KHDRBS1: variants seen among roughly 807,000 people sequenced by gnomAD.
KHDRBS1 encodes KH RNA binding domain containing, signal transduction associated 1.
KHDRBS1 carries 7 observed loss-of-function variants against 48.4 expected under a neutral mutation model. The ratio of observed to expected loss-of-function variants is 0.14; its 90% CI spans 0.08 to 0.27. KHDRBS1 has a LOEUF of 0.27. Ranked by LOEUF, KHDRBS1 falls within the 10% of genes least tolerant of loss-of-function variation. KHDRBS1 has a pLI of 1.00. For missense variants in KHDRBS1, 458 were observed against 601.2 expected (o/e 0.76, Z 2.49); for synonymous variants, 241 against 235.8 (o/e 1.02, Z -0.20).
Position 32,039,542 on chromosome 1 carries a change from TG to T in KHDRBS1, c.1207del (p.Glu403ArgfsTer21). On this transcript the variant is annotated frameshift_variant, in exon 8 of 9. Coordinates refer to ENST00000327300, the MANE Select transcript of KHDRBS1 (RefSeq NM_006559.3). LOFTEE classifies it high-confidence loss of function. ...ACTCAGAATATTATGACTATGGACA[TG>T]GGGAGGTTCAAGATTCTTATGAAGC... ...GDSEYYDYGH[G>X]EVQDSYEAYG... 1 of 1,535,182 alleles carries T rather than the reference TG, an allele frequency of 6.5e-7. No individual in the cohort carries two copies.
At chr1:32,047,447 C>T (rs1639370331), downstream of KHDRBS1, among the ~76,000 whole-genome samples, 2 of 152,220 alleles carry the variant, frequency 1.3e-5, no homozygotes, top group South Asian at 4.1e-4. Flanking sequence ...GCGTGAGCCA[C>T]TGTACCCGGC....
chr1:32,022,775 A>T (rs1273873773), intron 1 of KHDRBS1, among the ~76,000 whole-genome samples: 2 of 152,068 alleles, frequency 1.3e-5, no homozygotes, highest in Non-Finnish European at 2.9e-5. Flanking sequence ...TATAGTCACC[A>T]GCTACTCGGG....
chr1:32,036,742 CAA>C (rs1639190930), intron 4 of KHDRBS1, among the ~76,000 whole-genome samples, 166 bp from the exon 5 acceptor site: 1 of 152,050 alleles, frequency 6.6e-6, no homozygotes, highest in Non-Finnish European at 1.5e-5. Context: ...AGACTTTTCT[CAA>C]AGAGGTGACA....
At chr1:32,030,909 A>G (rs1639069116) in intron 2 of KHDRBS1, among the ~76,000 whole-genome samples, 1 of 151,284 alleles carries the variant, frequency 6.6e-6, no homozygotes, top group Admixed American at 6.6e-5. Flanking sequence ...AGGGTGCTAT[A>G]TAGTCTCTTC....
At chr1:32,027,904 G>A (rs1639006398) in intron 1 of KHDRBS1, among the ~76,000 whole-genome samples, 2 of 152,154 alleles carry the variant, frequency 1.3e-5, no homozygotes, top group African/African-American at 4.8e-5. Flanking sequence ...TCTGAAGTCA[G>A]GAGTTCGAGA....
chr1:32,047,957 G>A (rs141059141), downstream of KHDRBS1, among the ~76,000 whole-genome samples: 391 of 152,148 alleles, frequency 2.6e-3, 3 homozygotes, highest in South Asian at 0.015. Context: ...TATGCTTTTT[G>A]GAATTGGCTT....
intron 7 of KHDRBS1, among the ~76,000 whole-genome samples, chr1:32,039,097 C>A (rs1392615915): frequency 6.6e-6 from 1 of 152,156 alleles, no homozygotes; most frequent in African/African-American, 2.4e-5. Flanking sequence ...AACTTAGGTT[C>A]TTTTCTGCAT....
At chr1:32,028,561 G>A (rs1639020323) in intron 1 of KHDRBS1, among the ~76,000 whole-genome samples, 1 of 142,264 alleles carries the variant, frequency 7.0e-6, no homozygotes, top group South Asian at 2.2e-4. Context: ...GGAGTGCAGT[G>A]GCGCGATCTC....
intron 2 of KHDRBS1, among the ~76,000 whole-genome samples, chr1:32,030,844 T>G (rs559947577): frequency 1.5e-4 from 23 of 151,578 alleles, no homozygotes; most frequent in Admixed American, 7.2e-4. Context: ...TTTCTTCCTT[T>G]TTTTTTTTTT....
intron 1 of KHDRBS1, among the ~76,000 whole-genome samples, 193 bp downstream of exon 1, chr1:32,014,570 A>G (rs1638696631): frequency 6.6e-6 from 1 of 152,198 alleles, no homozygotes. Flanking sequence ...TCTAGGCTGC[A>G]GTGGAGGCCC....
intron 1 of KHDRBS1, among the ~76,000 whole-genome samples, chr1:32,021,493 G>A (rs1250302365): frequency 6.6e-6 from 1 of 152,132 alleles, no homozygotes; most frequent in Admixed American, 6.5e-5. Context: ...TTTTGCAATA[G>A]TAAGCTTATG....
intron 10 of KHDRBS1, among the ~76,000 whole-genome samples, chr1:32,055,985 G>A (rs138444656): frequency 6.6e-6 from 1 of 151,938 alleles, no homozygotes; most frequent in Admixed American, 6.6e-5. Flanking sequence ...TGTTTGTTTC[G>A]AATGTACTTT....
intron 10 of KHDRBS1, among the ~76,000 whole-genome samples, chr1:32,051,310 C>G (rs76680551): frequency 0.016 from 2,373 of 152,338 alleles, 50 homozygotes; most frequent in African/African-American, 0.053. Flanking sequence ...CAGTTAACCA[C>G]AGATGTATGT....
chr1:32,034,948 T>C (rs1242491808), intron 4 of KHDRBS1, among the ~76,000 whole-genome samples: 2 of 150,268 alleles, frequency 1.3e-5, no homozygotes, highest in East Asian at 2.0e-4. Context: ...GCCACTGCAC[T>C]CTGGCCTGGG....
At chr1:32,016,526 T>G (rs80257202) in intron 1 of KHDRBS1, among the ~76,000 whole-genome samples, 2 of 150,724 alleles carry the variant, frequency 1.3e-5, no homozygotes, top group Non-Finnish European at 3.0e-5. Context: ...AAAAAAAAAG[T>G]ATATTTGAAA....
chr1:32,041,729 A>T (rs1000191376), intron 8 of KHDRBS1, among the ~76,000 whole-genome samples: 10 of 151,296 alleles, frequency 6.6e-5, no homozygotes, highest in Non-Finnish European at 1.3e-4. Flanking sequence ...AGCTGGGATT[A>T]CAGGCATGCG....
At chr1:32,034,479 G>A (rs1639138062) in intron 4 of KHDRBS1, among the ~76,000 whole-genome samples, 1 of 152,104 alleles carries the variant, frequency 6.6e-6, no homozygotes, top group Non-Finnish European at 1.5e-5. Flanking sequence ...AGAATCACTT[G>A]AACCCAGGAG....
At chr1:32,060,538 C>T (rs1639531293) in exon 11 of KHDRBS1, 1 of 152,094 alleles carries the variant, frequency 6.6e-6, no homozygotes, top group Non-Finnish European at 1.5e-5. Flanking sequence ...CACCCTACCA[C>T]CGTTTTCTGT....
At chr1:32,058,462 G>A (rs1046511956) in intron 10 of KHDRBS1, among the ~76,000 whole-genome samples, 1 of 152,176 alleles carries the variant, frequency 6.6e-6, no homozygotes, top group Non-Finnish European at 1.5e-5. Context: ...TGGTTGAAAG[G>A]AATAGAATAT....
Sources: gnomAD v4.1 joint callset for allele counts (sites outside exome capture counted in the v4.1 genomes callset) on GRCh38, gnomAD v4.1.1 for gene constraint, MANE v1.5 for transcripts, NCBI Gene and HGNC (gene_info 2026-07-23, HGNC 2026-07-21) for gene names.